Variants in FBXL7 observed in about 807,000 individuals in gnomAD.
FBXL7 encodes F-box and leucine rich repeat protein 7.
In FBXL7, 12 loss-of-function variants were observed where a neutral mutation model predicts 38.3. The observed-to-expected ratio is 0.31, with a 90% CI of 0.20 to 0.51. The LOEUF (loss-of-function observed/expected upper bound fraction) is 0.51. Among genes scored for constraint, FBXL7 ranks in the 20% least tolerant of loss-of-function variants. FBXL7 has a pLI of 0.98. For synonymous variants in FBXL7, 297 were observed against 300.9 expected (o/e 0.99, Z 0.13); for missense variants, 567 against 676.4 (o/e 0.84, Z 1.79).
intron 2 of FBXL7, among the ~76,000 whole-genome samples, chr5:15,808,550 T>G (rs1017778103): frequency 6.6e-6 from 1 of 152,182 alleles, no homozygotes; most frequent in Non-Finnish European, 1.5e-5. Flanking sequence ...GAGTACCTAG[T>G]AGAGTAAAAG....
At chr5:15,824,759 T>C (rs1244820303) in intron 2 of FBXL7, among the ~76,000 whole-genome samples, 1 of 152,208 alleles carries the variant, frequency 6.6e-6, no homozygotes, top group African/African-American at 2.4e-5. Flanking sequence ...GGATGTTTTT[T>C]ACACTAGATA....
In FBXL7 at chr5:15,928,013, CGGT is replaced by C. The variant is rs755917689; in HGVS notation, c.254_256del (p.Val85del). On this transcript the variant is annotated inframe_deletion, in exon 3 of 4. Coordinates refer to ENST00000504595, the MANE Select transcript of FBXL7 (RefSeq NM_012304.5). The surrounding 1 kb of genome is among the most constrained non-coding windows in gnomAD (Gnocchi z 4.0). ...TCCTCGTCCTCCATCACCGGGGAGACGGTGGCCATGGTGCACTCCCCGCCCCCG... is the reference window on the plus strand; with the variant it reads ...TCCTCGTCCTCCATCACCGGGGAGACGGCCATGGTGCACTCCCCGCCCCCG... 27 of 1,604,148 alleles carry C rather than the reference CGGT, an allele frequency of 1.7e-5. No individual in the cohort carries two copies. The highest frequency in any genetic ancestry group is 2.3e-5 in the Non-Finnish European group (27 of 1,173,968).
chr5:15,680,104 A>G (rs1416404087), intron 2 of FBXL7, among the ~76,000 whole-genome samples: 2 of 152,224 alleles, frequency 1.3e-5, no homozygotes, highest in African/African-American at 4.8e-5. Context: ...AGTCCTTTAC[A>G]TACTCACTTC....
chr5:15,688,969 G>C (rs375812609), intron 2 of FBXL7, among the ~76,000 whole-genome samples: 1 of 152,124 alleles, frequency 6.6e-6, no homozygotes, highest in African/African-American at 2.4e-5. Flanking sequence ...CAGAAAGAAA[G>C]GTCCTTTCCA....
chr5:15,535,630 C>T (rs1464095443), intron 1 of FBXL7, among the ~76,000 whole-genome samples: 1 of 152,132 alleles, frequency 6.6e-6, no homozygotes, highest in Non-Finnish European at 1.5e-5. Context: ...GCAGAAATTT[C>T]TAAGCAGCAA....
chr5:15,655,473 G>A (rs1741845438), intron 2 of FBXL7, among the ~76,000 whole-genome samples: 1 of 149,936 alleles, frequency 6.7e-6, no homozygotes, highest in Non-Finnish European at 1.5e-5. Flanking sequence ...CAGCCTGGGT[G>A]ACACGGTAAG....
intron 2 of FBXL7, among the ~76,000 whole-genome samples, chr5:15,651,295 A>T (rs1741701681): frequency 6.6e-6 from 1 of 151,948 alleles, no homozygotes; most frequent in Admixed American, 6.6e-5. Context: ...ACGGGGTTTC[A>T]CCATGTTAGC....
chr5:15,937,403 A>G lies in FBXL7; in HGVS notation c.*217A>G. 1.7e-6 allele frequency: 1 copy of G among 581,058 alleles called. No homozygotes were observed. The highest frequency in any genetic ancestry group is 3.0e-5 in the East Asian group (1 of 33,562). The allele number at this position is 581,058 out of a possible 1,614,324, so 36.0% of individuals were successfully genotyped here. On this transcript the variant is annotated 3_prime_UTR_variant, in exon 4 of 4. Coordinates refer to ENST00000504595, the MANE Select transcript of FBXL7 (RefSeq NM_012304.5). ...AGCAAACAGGCATTTTGGTCAGGTC[A>G]TTTGTAGGCAGTTTCTCTTCTCACA...
chr5:15,711,822 A>C (rs539893853), intron 2 of FBXL7, among the ~76,000 whole-genome samples: 1 of 152,348 alleles, frequency 6.6e-6, no homozygotes, highest in East Asian at 1.9e-4. Context: ...TTAAAAGGAG[A>C]GTTGAGAAAC....
At chr5:15,590,610 T>C (rs1386326362) in intron 1 of FBXL7, among the ~76,000 whole-genome samples, 1 of 152,088 alleles carries the variant, frequency 6.6e-6, no homozygotes, top group African/African-American at 2.4e-5. Flanking sequence ...CTCATTCTCC[T>C]TGGGATGCCC....
intron 2 of FBXL7, among the ~76,000 whole-genome samples, chr5:15,828,830 CA>C (rs1388223394): frequency 1.3e-5 from 2 of 152,180 alleles, no homozygotes; most frequent in Non-Finnish European, 2.9e-5. Flanking sequence ...GGATATAATT[CA>C]TACATAGTGT....
intron 2 of FBXL7, among the ~76,000 whole-genome samples, chr5:15,819,976 A>G (rs1001225200): frequency 2.6e-5 from 4 of 152,136 alleles, no homozygotes; most frequent in Admixed American, 2.0e-4. Flanking sequence ...TCAAAACAAT[A>G]TTGGGAGGCC....
intron 2 of FBXL7, among the ~76,000 whole-genome samples, chr5:15,649,027 C>T (rs185065002): frequency 2.6e-4 from 40 of 151,946 alleles, no homozygotes; most frequent in East Asian, 2.5e-3. Context: ...GACCGAGTCT[C>T]ACTCTGTTGC....
chr5:15,521,311 G>A (rs930002284), intron 1 of FBXL7, among the ~76,000 whole-genome samples: 15 of 152,186 alleles, frequency 9.9e-5, no homozygotes, highest in Admixed American at 3.9e-4. Flanking sequence ...CTTTGATGCT[G>A]TTGCTTTCTT....
intron 2 of FBXL7, among the ~76,000 whole-genome samples, chr5:15,767,692 A>G (rs1345718306): frequency 1.3e-5 from 2 of 152,212 alleles, no homozygotes; most frequent in African/African-American, 2.4e-5. Context: ...TTTGCTAACT[A>G]ATTTGCTATT....
At chr5:15,583,703 C>T (rs772140142) in intron 1 of FBXL7, among the ~76,000 whole-genome samples, 12 of 152,118 alleles carry the variant, frequency 7.9e-5, no homozygotes, top group Admixed American at 1.3e-4. Context: ...CACAGGCTGT[C>T]GTTGAGTGCC....
At chr5:15,660,986 T>C (rs1041939678) in intron 2 of FBXL7, among the ~76,000 whole-genome samples, 1 of 152,198 alleles carries the variant, frequency 6.6e-6, no homozygotes, top group African/African-American at 2.4e-5. Flanking sequence ...TGTCTAAGAT[T>C]GAGCATCTTG....
intron 1 of FBXL7, among the ~76,000 whole-genome samples, chr5:15,574,865 A>G (rs1051787908): frequency 3.9e-5 from 6 of 152,208 alleles, no homozygotes; most frequent in African/African-American, 1.4e-4. Flanking sequence ...AAATTGATCT[A>G]TTGGAAGCAG....
intron 1 of FBXL7, among the ~76,000 whole-genome samples, chr5:15,503,496 T>C (rs1425609891): frequency 6.6e-6 from 1 of 152,220 alleles, no homozygotes; most frequent in African/African-American, 2.4e-5. Context: ...ATTCAACCAG[T>C]CATACACTGC....
Sources: gnomAD v4.1 joint callset for allele counts (sites outside exome capture counted in the v4.1 genomes callset) on GRCh38, gnomAD v4.1.1 for gene constraint, Gnocchi (gnomAD v3.1) non-coding constraint, MANE v1.5 for transcripts, NCBI Gene and HGNC (gene_info 2026-07-23, HGNC 2026-07-21) for gene names.